DCSTAMP: variants seen among roughly 807,000 people sequenced by gnomAD.
The protein encoded by DCSTAMP is dendritic cell-specific transmembrane protein.
A neutral mutation model predicts 33.8 loss-of-function variants in DCSTAMP; 25 were observed. The observed-to-expected ratio is 0.74, with a 90% confidence interval of 0.54 to 1.03. The LOEUF is 1.03. Among genes scored for constraint, DCSTAMP ranks in the 50% least tolerant of loss-of-function variants. DCSTAMP has a pLI of 0.00. For synonymous variants in DCSTAMP, 245 were observed against 216.7 expected (o/e 1.13, Z -1.15); for missense variants, 531 against 556.8 (o/e 0.95, Z 0.47).
chr8:104,344,862 A>G (rs2140468704), intron 1 of DCSTAMP, among the ~76,000 whole-genome samples: 1 of 152,312 alleles, frequency 6.6e-6, no homozygotes, highest in South Asian at 2.1e-4. Context: ...GCAAAAAGAA[A>G]TCAGCAGATG....
In DCSTAMP at chr8:104,348,892, AT is replaced by A. The variant is rs1214348010; in HGVS notation, c.345del (p.His116ThrfsTer7). On this transcript the variant is annotated frameshift_variant, in exon 2 of 4. Transcript: ENST00000297581. LOFTEE classifies it high-confidence loss of function. ...CGTCATCTTGGGACACGTAGAAAAT[AT>A]TTTTCACAACTTTAAAGGTCTCCTA... ...GIVILGHVEN[I>X]FHNFKGLLDG... 6.2e-7 allele frequency: 1 copy of A among 1,613,986 alleles called. No individual in the cohort carries two copies. Among genetic ancestry groups the A allele is most frequent in the African/African-American group, 1.3e-5 (1 of 74,906 alleles).
Position 104,354,995 on chromosome 8 carries a change from T to C in DCSTAMP, c.1148T>C (p.Ile383Thr), listed in dbSNP as rs372537268. Residue 383 changes from isoleucine to threonine, a missense_variant, in exon 3 of 4, where the codon ATT becomes ACT. Physicochemically the swap from Ile to Thr is moderately conservative, Grantham distance 89. Transcript: ENST00000297581. Reference protein sequence around the residue: ...LSETWVPLSVILLILVMLGLL... With the variant: ...LSETWVPLSVTLLILVMLGLL... Reference sequence around the variant, plus strand: ...GAGACCTGGGTTCCTCTCAGTGTTATTCTTTTGATATTAGTGATGCTGGGA... The same window carrying C: ...GAGACCTGGGTTCCTCTCAGTGTTACTCTTTTGATATTAGTGATGCTGGGA... The C allele has an allele frequency of 2.6e-5, 42 of 1,614,168 alleles. No homozygotes were observed. The East Asian group carries it at 4.0e-4, about 15-fold the overall frequency.
chr8:104,355,259 C>T lies in DCSTAMP; in HGVS notation c.1338+74C>T, dbSNP rs541463781. The T allele has an allele frequency of 1.6e-4, 233 of 1,468,330 alleles. 1 individual carries two copies. In the East Asian group the frequency reaches 4.3e-3, roughly 27 times the overall value. 91.0% of individuals were successfully genotyped at this position (1,468,330 alleles called of 1,614,324 possible). ...TGGAGGGAAATGGGAAAGGGGACTT[C>T]GAAGCATTTAATGCTTCAACTTCAC... On this transcript the variant is annotated intron_variant, in intron 3 of 3. Coordinates refer to ENST00000297581, the MANE Select transcript of DCSTAMP (RefSeq NM_030788.4).
At chr8:104,343,310 G>A (rs935716058) in intron 1 of DCSTAMP, among the ~76,000 whole-genome samples, 4 of 152,168 alleles carry the variant, frequency 2.6e-5, no homozygotes, top group African/African-American at 7.2e-5. Context: ...GTTAGAAAGC[G>A]TGTATATCAG....
At chr8:104,350,220 C>T (rs1191512922) in intron 2 of DCSTAMP, among the ~76,000 whole-genome samples, 2 of 152,196 alleles carry the variant, frequency 1.3e-5, no homozygotes, top group Admixed American at 1.3e-4. Context: ...CAGCCTCCTA[C>T]AGTCAACAAA....
chr8:104,346,927 G>A (rs1292126530), intron 1 of DCSTAMP, among the ~76,000 whole-genome samples: 1 of 152,336 alleles, frequency 6.6e-6, no homozygotes, highest in Non-Finnish European at 1.5e-5. Context: ...GGCTCTCACT[G>A]TATTCAGCTA....
chr8:104,352,749 G>C (rs2140477034), intron 2 of DCSTAMP, among the ~76,000 whole-genome samples: 1 of 152,294 alleles, frequency 6.6e-6, no homozygotes, highest in East Asian at 1.9e-4. Context: ...TGTCCTGGGA[G>C]GGAGGTCACC....
Position 104,349,147 on chromosome 8 carries a change from C to T in DCSTAMP, c.595C>T (p.Gln199Ter), listed in dbSNP as rs773011747. The T allele has an allele frequency of 3.1e-6, 5 of 1,614,078 alleles. No individual in the cohort carries two copies. Among genetic ancestry groups the T allele is most frequent in the East Asian group, 4.5e-5 (2 of 44,898 alleles). The change falls in exon 2 of 4, where the codon CAG becomes TAG. Residue 199 changes from glutamine to a stop codon, truncating the protein, a stop_gained. Coordinates refer to ENST00000297581, the MANE Select transcript of DCSTAMP (RefSeq NM_030788.4). LOFTEE classifies it high-confidence loss of function. ...SKGEVLSVLY[Q>*]MATTTEVLSS... ...AGGGGAAGTCCTGAGCGTCTTGTAC[C>T]AGATGGCAACAACCACAGAGGTGTT...
At chr8:104,350,024 G>A (rs1268431474) in intron 2 of DCSTAMP, among the ~76,000 whole-genome samples, 1 of 152,078 alleles carries the variant, frequency 6.6e-6, no homozygotes, top group Non-Finnish European at 1.5e-5. Context: ...CTTTGCATGT[G>A]GAAAATCTCT....
At chr8:104,349,702 G>T in intron 2 of DCSTAMP, 121 bp downstream of exon 2, 1 of 1,140,162 alleles carries the variant, frequency 8.8e-7, no homozygotes, top group Admixed American at 2.5e-5. Flanking sequence ...TTGGTGCCCA[G>T]CATAGTGCTT....
intron 1 of DCSTAMP, among the ~76,000 whole-genome samples, chr8:104,347,706 T>C (rs747962189): frequency 1.3e-5 from 2 of 152,184 alleles, no homozygotes; most frequent in African/African-American, 4.8e-5. Context: ...GCTGAGCTGA[T>C]GGAATTGCCT....
intron 2 of DCSTAMP, among the ~76,000 whole-genome samples, chr8:104,350,733 A>G (rs1401931702): frequency 6.6e-6 from 1 of 152,186 alleles, no homozygotes; most frequent in East Asian, 1.9e-4. Flanking sequence ...CCACATTTTG[A>G]GCAACTCTGG....
intron 1 of DCSTAMP, among the ~76,000 whole-genome samples, chr8:104,346,331 T>C (rs561328018): frequency 1.8e-3 from 267 of 152,362 alleles, no homozygotes; most frequent in African/African-American, 4.3e-3. Flanking sequence ...CTTGGTCTGG[T>C]GCTGGGCATC....
rs754294165 is a variant in DCSTAMP at position 104,339,840 on chromosome 8, G to A, written c.-35G>A. The A allele has an allele frequency of 6.6e-6, 1 of 152,098 alleles. No individual in the cohort carries two copies. The highest frequency in any genetic ancestry group is 1.5e-5 in the Non-Finnish European group (1 of 68,030). 9.4% of individuals were successfully genotyped at this position (152,098 alleles called of 1,614,324 possible). A position where few individuals can be genotyped will look rare whatever the true frequency, so the allele number is the denominator to read the frequency against. On this transcript the variant is annotated 5_prime_UTR_variant, in exon 1 of 4. Transcript: ENST00000297581. ...CCTTGGGAAGTGCATTTCTGCATTCGAAGAAGAATCTGAGAGAAACCTGTA... is the reference window on the plus strand; with the variant it reads ...CCTTGGGAAGTGCATTTCTGCATTCAAAGAAGAATCTGAGAGAAACCTGTA...
At chr8:104,341,258 G>C (rs2099382786) in intron 1 of DCSTAMP, among the ~76,000 whole-genome samples, 1 of 152,250 alleles carries the variant, frequency 6.6e-6, no homozygotes, top group African/African-American at 2.4e-5. Flanking sequence ...GGCCATTCAT[G>C]TGGAGATTCT....
intron 2 of DCSTAMP, 33 bp from the exon 3 acceptor site, chr8:104,354,844 A>G: frequency 1.4e-6 from 2 of 1,408,210 alleles, no homozygotes; most frequent in East Asian, 2.3e-5. Flanking sequence ...CAAAAATGGC[A>G]TGCATCATGA....
chr8:104,341,074 C>A (rs2099382739), intron 1 of DCSTAMP, among the ~76,000 whole-genome samples: 1 of 152,132 alleles, frequency 6.6e-6, no homozygotes, highest in African/African-American at 2.4e-5. Context: ...GAGAGGGGAG[C>A]AATAAGATGC....
chr8:104,340,814 C>G (rs1252524463), intron 1 of DCSTAMP, among the ~76,000 whole-genome samples: 1 of 152,222 alleles, frequency 6.6e-6, no homozygotes, highest in Non-Finnish European at 1.5e-5. Flanking sequence ...AGATTCACAT[C>G]AAGCCAGTGA....
chr8:104,349,868 G>A (rs914499421), intron 2 of DCSTAMP, among the ~76,000 whole-genome samples: 3 of 152,178 alleles, frequency 2.0e-5, no homozygotes, highest in South Asian at 2.1e-4. Flanking sequence ...TAGTTCTGGG[G>A]GGAGAAGTAT....
Sources: allele counts gnomAD v4.1 joint callset (sites outside exome capture counted in the v4.1 genomes callset), GRCh38; gene constraint gnomAD v4.1.1; transcripts MANE v1.5; gene names NCBI Gene and HGNC (gene_info 2026-07-23, HGNC 2026-07-21).